Variants in OSBPL10 observed in about 807,000 individuals in gnomAD.
OSBPL10 encodes oxysterol binding protein like 10.
In OSBPL10, 49 loss-of-function variants were observed where a neutral mutation model predicts 81.7. That is an observed-to-expected ratio of 0.60 (90% CI 0.48 to 0.76). The LOEUF (loss-of-function observed/expected upper bound fraction) is 0.76. Among genes scored for constraint, OSBPL10 ranks in the 30% least tolerant of loss-of-function variants. OSBPL10 has a pLI of 0.00. For missense variants in OSBPL10, 923 were observed against 987.8 expected, an observed-to-expected ratio of 0.93 and a Z score of 0.88; for synonymous variants, 419 against 383.6, an observed-to-expected ratio of 1.09 and a Z score of -1.08.
chr3:31,708,965 G>T, intron 6 of OSBPL10: 1 of 985,438 alleles, frequency 1.0e-6, no homozygotes, highest in Non-Finnish European at 1.2e-6. Flanking sequence ...TCCTGCACAC[G>T]TACTATCCTC....
At chr3:31,848,052 C>T (rs1700675589) in intron 3 of OSBPL10, among the ~76,000 whole-genome samples, 1 of 152,114 alleles carries the variant, frequency 6.6e-6, no homozygotes, top group Admixed American at 6.5e-5. Flanking sequence ...GAGCGGAGAG[C>T]AGGGACCCTG....
chr3:32,007,389 A>G (rs1305227265), intron 2 of OSBPL10, among the ~76,000 whole-genome samples: 12 of 152,222 alleles, frequency 7.9e-5, no homozygotes, highest in Admixed American at 7.9e-4. Flanking sequence ...TGAAAACATA[A>G]TAAATGTATT....
At chr3:31,750,776 C>G (rs564156308) in intron 4 of OSBPL10, among the ~76,000 whole-genome samples, 1 of 152,046 alleles carries the variant, frequency 6.6e-6, no homozygotes, top group South Asian at 2.1e-4. Context: ...AGATTTTATT[C>G]ACCTTAAGAG....
chr3:31,846,250 C>A (rs1202591086), intron 3 of OSBPL10, among the ~76,000 whole-genome samples: 1 of 152,166 alleles, frequency 6.6e-6, no homozygotes, highest in African/African-American at 2.4e-5. Context: ...TGGGCTCCAG[C>A]GATCCTCCGC....
intron 2 of OSBPL10, among the ~76,000 whole-genome samples, chr3:31,999,933 T>C (rs925109649): frequency 1.3e-5 from 2 of 152,158 alleles, no homozygotes; most frequent in African/African-American, 4.8e-5. Context: ...AGGGCCAAAA[T>C]GTTCATAAGA....
intron 3 of OSBPL10, among the ~76,000 whole-genome samples, chr3:31,841,075 A>C (rs1042041127): frequency 1.3e-5 from 2 of 152,092 alleles, no homozygotes; most frequent in Admixed American, 6.5e-5. Context: ...CGCCCAGCTA[A>C]TTTTGTATTT....
intron 7 of OSBPL10, among the ~76,000 whole-genome samples, chr3:31,696,233 C>T (rs1384096542): frequency 6.6e-6 from 1 of 152,152 alleles, no homozygotes; most frequent in African/African-American, 2.4e-5. Flanking sequence ...CATGCCCTCT[C>T]ACCTCCTCAA....
rs67616509 is a variant in OSBPL10, at chr3:31,678,782, C to CTGTGTGTGTGTGTGTGTGTGTG, written c.1726+4830_1726+4851dup. Reference sequence around the variant, plus strand: ...TACTCTGACTAATCACAGATTCAAACTGTGTGTGTGTGTGTGTGTGTGTGT... The same window carrying CTGTGTGTGTGTGTGTGTGTGTG: ...TACTCTGACTAATCACAGATTCAAACTGTGTGTGTGTGTGTGTGTGTGTGTGTGTGTGTGTGTGTGTGTGTGT... On this transcript the variant is annotated intron_variant, in intron 8 of 11. Transcript: ENST00000396556. Among the ~76,000 whole-genome samples, 130 of 135,644 alleles carry CTGTGTGTGTGTGTGTGTGTGTG rather than the reference C, an allele frequency of 9.6e-4. 1 individual carries two copies. The highest frequency in any genetic ancestry group is 3.7e-3 in the East Asian group (16 of 4,346). The allele number at this position is 135,644 out of a possible 152,430, so 89.0% of individuals were successfully genotyped here.
chr3:31,851,964 C>T (rs1700777525), intron 3 of OSBPL10, among the ~76,000 whole-genome samples: 1 of 152,150 alleles, frequency 6.6e-6, no homozygotes, highest in Non-Finnish European at 1.5e-5. Context: ...AAGGCCCTTC[C>T]CAAGAGTAAA....
chr3:31,665,489 G>C (rs1700167656), intron 10 of OSBPL10, among the ~76,000 whole-genome samples: 1 of 152,170 alleles, frequency 6.6e-6, no homozygotes, highest in African/African-American at 2.4e-5. Context: ...GTGCTGGCAT[G>C]GTCAGGCAGA....
At chr3:31,789,773 T>C (rs1684130945) in intron 4 of OSBPL10, among the ~76,000 whole-genome samples, 1 of 152,196 alleles carries the variant, frequency 6.6e-6, no homozygotes, top group Non-Finnish European at 1.5e-5. Flanking sequence ...CTCTGCAAGG[T>C]TCTTTCCTCT....
At chr3:31,715,237 T>A (rs1239661866) in intron 6 of OSBPL10, among the ~76,000 whole-genome samples, 7 of 152,260 alleles carry the variant, frequency 4.6e-5, no homozygotes, top group Non-Finnish European at 1.0e-4. Context: ...TGTTCCTTGA[T>A]GGCACTAGCC....
At chr3:31,759,990 G>A (rs1697986028) in intron 4 of OSBPL10, among the ~76,000 whole-genome samples, 1 of 152,180 alleles carries the variant, frequency 6.6e-6, no homozygotes, top group African/African-American at 2.4e-5. Context: ...TCGAACTCCT[G>A]ACCTCAAGTG....
intron 4 of OSBPL10, among the ~76,000 whole-genome samples, chr3:31,770,537 AAC>A (rs1329484578): frequency 1.3e-5 from 2 of 152,100 alleles, no homozygotes; most frequent in African/African-American, 2.4e-5. Context: ...CTATAATCTC[AAC>A]ACTTTGGGAG....
chr3:31,752,288 T>C (rs1697745941), intron 4 of OSBPL10, among the ~76,000 whole-genome samples: 1 of 152,222 alleles, frequency 6.6e-6, no homozygotes, highest in Non-Finnish European at 1.5e-5. Flanking sequence ...TAATCATCCA[T>C]GATTGTTTAA....
intron 4 of OSBPL10, among the ~76,000 whole-genome samples, chr3:31,821,736 T>C (rs748624912): frequency 1.3e-5 from 2 of 152,234 alleles, no homozygotes; most frequent in African/African-American, 4.8e-5. Flanking sequence ...AATCACTCTG[T>C]TCACACAAAG....
At chr3:31,784,738 A>G (rs1698817612) in intron 4 of OSBPL10, among the ~76,000 whole-genome samples, 1 of 151,696 alleles carries the variant, frequency 6.6e-6, no homozygotes. Context: ...ATGCACCACC[A>G]TGCACAGCTG....
At chr3:31,823,888 A>G (rs188062311) in intron 4 of OSBPL10, among the ~76,000 whole-genome samples, 40 of 150,938 alleles carry the variant, frequency 2.7e-4, no homozygotes, top group Admixed American at 2.4e-3. Context: ...GTTTGGCTCT[A>G]TCACCTAGGC....
chr3:31,850,170 G>GA (rs1421657170), intron 3 of OSBPL10, among the ~76,000 whole-genome samples: 1 of 151,654 alleles, frequency 6.6e-6, no homozygotes. Context: ...GTCTCAAAAA[G>GA]AAAAAAATTA....
Sources: allele counts gnomAD v4.1 joint callset (sites outside exome capture counted in the v4.1 genomes callset), GRCh38; gene constraint gnomAD v4.1.1; transcripts MANE v1.5; gene names NCBI Gene and HGNC (gene_info 2026-07-23, HGNC 2026-07-21).